Variants in PAG1 observed in about 807,000 individuals in gnomAD.
PAG1 encodes phosphoprotein membrane anchor with glycosphingolipid microdomains 1.
A neutral mutation model predicts 31.7 loss-of-function variants in PAG1; 23 were observed. The observed-to-expected ratio is 0.73, with a 90% CI of 0.52 to 1.03. The LOEUF is 1.03. Ranked by LOEUF, PAG1 falls within the 50% of genes least tolerant of loss-of-function variation. The pLI is 0.00. For missense variants in PAG1, 473 were observed against 540.7 expected (o/e 0.87, Z 1.24); for synonymous variants, 214 against 210.3 (o/e 1.02, Z -0.15).
chr8:80,996,144 C>T (rs1215144375), intron 3 of PAG1, among the ~76,000 whole-genome samples: 1 of 152,250 alleles, frequency 6.6e-6, no homozygotes, highest in Admixed American at 6.5e-5. Context: ...CAGCTTTCTC[C>T]TCTTGGACCC....
intron 1 of PAG1, among the ~76,000 whole-genome samples, chr8:81,098,387 A>T (rs1411291566): frequency 6.6e-6 from 1 of 152,158 alleles, no homozygotes; most frequent in African/African-American, 2.4e-5. Context: ...AGTTTTCTTC[A>T]TGTCTTTATC....
intron 1 of PAG1, among the ~76,000 whole-genome samples, chr8:81,094,618 A>AAT (rs1287844223): frequency 1.3e-5 from 2 of 152,034 alleles, no homozygotes; most frequent in South Asian, 2.1e-4. Context: ...TCTTCTTTGC[A>AAT]ATATATATAT....
intron 2 of PAG1, chr8:81,036,939 G>GT (rs1808470978): frequency 6.6e-6 from 1 of 152,066 alleles, no homozygotes. Flanking sequence ...ATTAAAAGAG[G>GT]GTTTTCTGGG....
At position 81,108,150 on chromosome 8, in the gene PAG1, T is replaced by C. The variant is rs186712149; in HGVS notation, c.-234+3441A>G. Among the ~76,000 whole-genome samples the C allele has an allele frequency of 3.3e-5, 5 of 152,272 alleles. No homozygotes were observed. The East Asian group carries it at 9.6e-4, about 29-fold the overall frequency. On this transcript the variant is annotated intron_variant, in intron 1 of 8. Coordinates refer to ENST00000220597, the MANE Select transcript of PAG1 (RefSeq NM_018440.4). ...TATATTCTGAGGAGTTAGTTAATAATAAATCATGAACCTCATTCAAGTCAC... is the reference window on the plus strand; with the variant it reads ...TATATTCTGAGGAGTTAGTTAATAACAAATCATGAACCTCATTCAAGTCAC...
intron 7 of PAG1, among the ~76,000 whole-genome samples, chr8:80,980,826 A>C (rs1042217148): frequency 4.6e-5 from 7 of 152,178 alleles, no homozygotes; most frequent in African/African-American, 1.7e-4. Flanking sequence ...ATATTTAAAA[A>C]CATGGTGTTT....
intron 1 of PAG1, among the ~76,000 whole-genome samples, chr8:81,090,961 T>A (rs923448308): frequency 3.3e-5 from 5 of 152,158 alleles, no homozygotes; most frequent in African/African-American, 9.7e-5. Flanking sequence ...GGCAGGAGGG[T>A]GGAAAATATT....
At chr8:81,068,134 T>C (rs1046174038) in intron 2 of PAG1, among the ~76,000 whole-genome samples, 1 of 152,162 alleles carries the variant, frequency 6.6e-6, no homozygotes, top group Non-Finnish European at 1.5e-5. Context: ...TGGCCTCAAG[T>C]GATCTGCTCG....
At chr8:81,102,588 T>G (rs191427016) in intron 1 of PAG1, among the ~76,000 whole-genome samples, 1 of 152,288 alleles carries the variant, frequency 6.6e-6, no homozygotes, top group African/African-American at 2.4e-5. Context: ...AAATGCAGCA[T>G]CATAAAGTTT....
intron 2 of PAG1, among the ~76,000 whole-genome samples, chr8:81,068,798 C>T (rs998755869): frequency 6.6e-6 from 1 of 152,184 alleles, no homozygotes; most frequent in Non-Finnish European, 1.5e-5. Context: ...TACCACACAA[C>T]GCTTTCCAGA....
At chr8:80,993,344 G>T (rs561849243) in intron 3 of PAG1, 37 bp from the exon 4 acceptor site, 2 of 1,059,432 alleles carry the variant, frequency 1.9e-6, no homozygotes, top group Non-Finnish European at 2.7e-6. Context: ...AGTAATTCTC[G>T]GGTAAAGTGG....
chr8:81,089,271 C>T (rs1165455999), intron 1 of PAG1, among the ~76,000 whole-genome samples: 1 of 152,122 alleles, frequency 6.6e-6, no homozygotes, highest in Non-Finnish European at 1.5e-5. Flanking sequence ...TTGTATCATA[C>T]TTAAAGAACC....
At chr8:80,997,864 G>C (rs1453351408) in intron 3 of PAG1, among the ~76,000 whole-genome samples, 1 of 152,052 alleles carries the variant, frequency 6.6e-6, no homozygotes, top group Non-Finnish European at 1.5e-5. Context: ...TGCTGTAAAA[G>C]ACTCAGTGGT....
intron 1 of PAG1, among the ~76,000 whole-genome samples, chr8:81,075,189 TG>T (rs1291062977): frequency 6.6e-6 from 1 of 152,210 alleles, no homozygotes; most frequent in East Asian, 1.9e-4. Context: ...TAATGCAAAA[TG>T]TATAGTATTG....
intron 1 of PAG1, among the ~76,000 whole-genome samples, chr8:81,084,489 G>T (rs1020300202): frequency 2.0e-5 from 3 of 151,920 alleles, no homozygotes; most frequent in Admixed American, 6.6e-5. Flanking sequence ...TTCTCAAAAG[G>T]TACCCAAATG....
At chr8:80,993,059 GATGT>G in intron 4 of PAG1, 40 bp downstream of exon 4, 2 of 1,539,618 alleles carry the variant, frequency 1.3e-6, no homozygotes, top group Non-Finnish European at 1.8e-6. Flanking sequence ...GGGTACAGGG[GATGT>G]ATTAGTTTAA....
At chr8:81,074,550 T>G (rs748657654) in intron 1 of PAG1, among the ~76,000 whole-genome samples, 2 of 151,980 alleles carry the variant, frequency 1.3e-5, no homozygotes, top group African/African-American at 2.4e-5. Context: ...ATGAAATGGT[T>G]GAGGAGAGAG....
intron 5 of PAG1, among the ~76,000 whole-genome samples, chr8:80,988,958 T>C (rs975877367): frequency 2.0e-5 from 3 of 152,190 alleles, no homozygotes; most frequent in Admixed American, 1.3e-4. Flanking sequence ...GCAGCCCAAA[T>C]CACTGCAAAT....
intron 1 of PAG1, among the ~76,000 whole-genome samples, chr8:81,085,666 G>C (rs1178999718): frequency 1.3e-5 from 2 of 152,208 alleles, no homozygotes; most frequent in African/African-American, 4.8e-5. Flanking sequence ...TTCCCTTTAT[G>C]TGAAAAGGAC....
chr8:81,105,457 C>T (rs1044293927), intron 1 of PAG1, among the ~76,000 whole-genome samples: 1 of 152,090 alleles, frequency 6.6e-6, no homozygotes, highest in African/African-American at 2.4e-5. Context: ...TCACAGCCCT[C>T]CTTAGAAGGT....
Sources: gnomAD v4.1 joint callset for allele counts (sites outside exome capture counted in the v4.1 genomes callset) on GRCh38, gnomAD v4.1.1 for gene constraint, MANE v1.5 for transcripts, NCBI Gene and HGNC (gene_info 2026-07-23, HGNC 2026-07-21) for gene names.